The following TMEM132C variants were observed in gnomAD, a reference collection of about 807,000 sequenced individuals.
The protein encoded by TMEM132C is transmembrane protein 132C.
A neutral mutation model predicts 61.4 loss-of-function variants in TMEM132C; 29 were observed. The ratio of observed to expected loss-of-function variants is 0.47; its 90% CI spans 0.35 to 0.64. TMEM132C has a LOEUF of 0.64. Among genes scored for constraint, TMEM132C ranks in the 30% least tolerant of loss-of-function variants. TMEM132C has a pLI of 0.00. For synonymous variants in TMEM132C, 656 were observed against 633.1 expected (o/e 1.04, Z -0.54); for missense variants, 1,408 against 1,476.9 (o/e 0.95, Z 0.76).
At chr12:128,441,875 G>A (rs572033767) in intron 2 of TMEM132C, among the ~76,000 whole-genome samples, 11 of 152,212 alleles carry the variant, frequency 7.2e-5, no homozygotes, top group South Asian at 2.1e-4. Flanking sequence ...GGTGGTGGGC[G>A]CCTGTAATCC....
At chr12:128,314,492 C>A (rs1198452047) in intron 1 of TMEM132C, among the ~76,000 whole-genome samples, 1 of 152,202 alleles carries the variant, frequency 6.6e-6, no homozygotes, top group Non-Finnish European at 1.5e-5. Context: ...CATGAATGGA[C>A]AGTGTCCCTC....
At chr12:128,518,680 GCCTACCCTATCC>G (rs1487254216) in intron 2 of TMEM132C, among the ~76,000 whole-genome samples, 4 of 151,988 alleles carry the variant, frequency 2.6e-5, no homozygotes, top group Non-Finnish European at 5.9e-5. Flanking sequence ...AATCTAAACC[GCCTACCCTATCC>G]CCTTGAATTA....
chr12:128,571,278 C>T (rs1359017941), intron 3 of TMEM132C, among the ~76,000 whole-genome samples: 2 of 152,196 alleles, frequency 1.3e-5, no homozygotes, highest in East Asian at 3.8e-4. Context: ...AGGTACATCT[C>T]ACTATCATTT....
At chr12:128,507,285 C>T (rs570417708) in intron 2 of TMEM132C, among the ~76,000 whole-genome samples, 2 of 151,884 alleles carry the variant, frequency 1.3e-5, no homozygotes, top group African/African-American at 4.8e-5. Context: ...AATGCTGGAC[C>T]GTGCAGAGAG....
chr12:128,673,780 G>A (rs1203908680), intron 5 of TMEM132C, among the ~76,000 whole-genome samples: 1 of 152,184 alleles, frequency 6.6e-6, no homozygotes, highest in Non-Finnish European at 1.5e-5. Context: ...AGTAAAGTGA[G>A]GATAAGCATA....
rs112162627 is a variant in TMEM132C at position 128,321,349 on chromosome 12, G to A, written c.85+53862G>A. Among the ~76,000 whole-genome samples the A allele has an allele frequency of 4.1e-3, 629 of 152,210 alleles. 7 individuals are homozygous for A. The highest frequency in any genetic ancestry group is 0.014 in the African/African-American group (595 of 41,530). ...ACAGCAACTTGGAGGAACCTCCAAG[G>A]AAGTATGCTGAGTGACAAGAAGCCA... On this transcript the variant is annotated intron_variant, in intron 1 of 8. Coordinates refer to ENST00000435159, the MANE Select transcript of TMEM132C (RefSeq NM_001136103.3).
chr12:128,673,960 A>G (rs895595259), intron 5 of TMEM132C, among the ~76,000 whole-genome samples: 2 of 152,204 alleles, frequency 1.3e-5, no homozygotes, highest in African/African-American at 4.8e-5. Flanking sequence ...GAGGCTTCCA[A>G]GTATATTTGT....
At chr12:128,667,533 C>T (rs991290039) in intron 4 of TMEM132C, among the ~76,000 whole-genome samples, 6 of 152,122 alleles carry the variant, frequency 3.9e-5, no homozygotes, top group East Asian at 1.9e-4. Flanking sequence ...ACAGAGAGGC[C>T]GAGGCTCTAC....
intron 1 of TMEM132C, among the ~76,000 whole-genome samples, chr12:128,348,118 A>G (rs1593020040): frequency 6.6e-6 from 1 of 152,138 alleles, no homozygotes; most frequent in Non-Finnish European, 1.5e-5. Context: ...TTCTTATACA[A>G]TGGTCTGTAG....
chr12:128,704,810 C>T (rs11836815), intron 8 of TMEM132C, among the ~76,000 whole-genome samples: 22,471 of 152,172 alleles, frequency 0.15, 1,833 homozygotes, highest in Non-Finnish European at 0.19. Context: ...TAAAGCCACC[C>T]GGAGCCTCAT....
At chr12:128,370,926 A>G (rs1518380) in intron 1 of TMEM132C, among the ~76,000 whole-genome samples, 145,390 of 152,226 alleles carry the variant, frequency 0.96, 69,824 homozygotes, top group East Asian at 1. Flanking sequence ...AAGGACTCAT[A>G]TACTAACTCA....
intron 2 of TMEM132C, among the ~76,000 whole-genome samples, chr12:128,435,539 AT>A (rs1014005088): frequency 3.9e-5 from 6 of 152,222 alleles, no homozygotes; most frequent in African/African-American, 1.4e-4. Flanking sequence ...GTGAACCCCC[AT>A]TCACAATTGC....
intron 1 of TMEM132C, among the ~76,000 whole-genome samples, chr12:128,394,042 A>C (rs1326663211): frequency 6.6e-6 from 1 of 152,206 alleles, no homozygotes. Flanking sequence ...AAAAGAAAGC[A>C]GTTTAAGGCA....
intron 1 of TMEM132C, among the ~76,000 whole-genome samples, chr12:128,331,591 A>T (rs1411139581): frequency 6.6e-6 from 1 of 152,346 alleles, no homozygotes; most frequent in East Asian, 1.9e-4. Flanking sequence ...TACATAAAGC[A>T]TGATTTCATT....
intron 1 of TMEM132C, among the ~76,000 whole-genome samples, chr12:128,315,813 G>A (rs1157637343): frequency 1.3e-5 from 2 of 151,890 alleles, no homozygotes; most frequent in Non-Finnish European, 2.9e-5. Context: ...AGGAGGAGAA[G>A]GCCACGCAGT....
At position 128,593,642 on chromosome 12, in the gene TMEM132C, G is replaced by A. The variant is rs564185982; in HGVS notation, c.1122-22510G>A. 1.1e-3 allele frequency among the ~76,000 whole-genome samples: 172 copies of A among 152,252 alleles called. 2 individuals are homozygous for A. The highest frequency in any genetic ancestry group is 1.9e-4 in the East Asian group (1 of 5,160). On this transcript the variant is annotated intron_variant, in intron 3 of 8. Transcript: ENST00000435159. ...TGCAGGAGGCCGGTGCCTACTTTAC[G>A]GCATTGTTTTGAGGACTGTGTGAGC...
intron 1 of TMEM132C, among the ~76,000 whole-genome samples, chr12:128,300,916 C>T (rs1871574988): frequency 1.3e-5 from 2 of 152,154 alleles, no homozygotes; most frequent in Non-Finnish European, 2.9e-5. Context: ...TCATGTATGC[C>T]TGTAGTCCCA....
In TMEM132C at chr12:128,630,971, G is replaced by A. The variant is rs1406079646; in HGVS notation, c.1305+14636G>A. Among the ~76,000 whole-genome samples the A allele has an allele frequency of 1.3e-5, 2 of 152,198 alleles. No homozygotes were observed. The highest frequency in any genetic ancestry group is 1.9e-4 in the East Asian group (1 of 5,192). Reference sequence around the variant, plus strand: ...CGCTTGAACCTGGGAGGCGGAGGCTGCAATGAGCCGAGATCACGCCACTGC... The same window carrying A: ...CGCTTGAACCTGGGAGGCGGAGGCTACAATGAGCCGAGATCACGCCACTGC... On this transcript the variant is annotated intron_variant, in intron 4 of 8. Coordinates refer to ENST00000435159, the MANE Select transcript of TMEM132C (RefSeq NM_001136103.3). This position sits in a 1 kb window ranked among gnomAD's most constrained non-coding sequence, Gnocchi z 4.3.
chr12:128,336,659 TAGCCA>T (rs1872798712), intron 1 of TMEM132C, among the ~76,000 whole-genome samples: 1 of 152,218 alleles, frequency 6.6e-6, no homozygotes, highest in Non-Finnish European at 1.5e-5. Flanking sequence ...CCATCTTGGT[TAGCCA>T]TCTGTCTGTC....
Sources: allele counts gnomAD v4.1 joint callset (sites outside exome capture counted in the v4.1 genomes callset), GRCh38; gene constraint gnomAD v4.1.1; non-coding constraint Gnocchi (gnomAD v3.1); transcripts MANE v1.5; gene names NCBI Gene and HGNC (gene_info 2026-07-23, HGNC 2026-07-21).